The following PTPRD variants were observed in gnomAD, a reference collection of about 807,000 sequenced individuals.
The protein encoded by PTPRD is receptor-type tyrosine-protein phosphatase delta.
In PTPRD, 34 loss-of-function variants were observed where a neutral mutation model predicts 214.5. That is an observed-to-expected ratio of 0.16 (90% CI 0.12 to 0.21). The LOEUF (loss-of-function observed/expected upper bound fraction) is 0.21. Ranked by LOEUF, PTPRD falls within the 10% of genes least tolerant of loss-of-function variation. The pLI is 1.00. For synonymous variants in PTPRD, 1,128 were observed against 845.7 expected (o/e 1.33, Z -5.79); for missense variants, 2,545 against 2,398.7 (o/e 1.06, Z -1.27).
intron 10 of PTPRD, among the ~76,000 whole-genome samples, chr9:9,065,288 G>C (rs1220507043): frequency 1.3e-5 from 2 of 152,130 alleles, no homozygotes; most frequent in Non-Finnish European, 2.9e-5. Context: ...ATCAGGGTAC[G>C]CTTTGCTGAA....
In PTPRD at chr9:8,898,899, T is replaced by A. The variant is rs2098642103; in HGVS notation, c.-104+119798A>T. On this transcript the variant is annotated intron_variant, in intron 11 of 45. Coordinates refer to ENST00000381196, the MANE Select transcript of PTPRD (RefSeq NM_002839.4). ...TGTTTTATATATAAAAAGACTATTT[T>A]CATGTTTCAATCAACTCACTGACAA... Among the ~76,000 whole-genome samples the A allele has an allele frequency of 2.0e-5, 3 of 152,324 alleles. No homozygotes were observed. The South Asian group carries it at 6.2e-4, about 32-fold the overall frequency.
At chr9:8,767,673 T>C (rs2094866409) in intron 11 of PTPRD, among the ~76,000 whole-genome samples, 1 of 152,124 alleles carries the variant, frequency 6.6e-6, no homozygotes, top group African/African-American at 2.4e-5. Flanking sequence ...TACAATAGAA[T>C]TATCAGGGAG....
intron 7 of PTPRD, among the ~76,000 whole-genome samples, chr9:9,690,588 A>G (rs1595326632): frequency 6.6e-6 from 1 of 151,926 alleles, no homozygotes; most frequent in Admixed American, 6.6e-5. Context: ...GTTAGCTTCT[A>G]GTAATTTCAT....
chr9:9,338,047 T>C (rs1025109095), intron 9 of PTPRD, among the ~76,000 whole-genome samples: 4 of 152,206 alleles, frequency 2.6e-5, no homozygotes, highest in Admixed American at 2.6e-4. Flanking sequence ...CTTTTTTGTT[T>C]CATGTACAAA....
At chr9:8,750,059 G>A (rs200712159) in intron 11 of PTPRD, among the ~76,000 whole-genome samples, 2 of 151,080 alleles carry the variant, frequency 1.3e-5, no homozygotes, top group South Asian at 2.1e-4. Flanking sequence ...CCAAGCTCGC[G>A]CCACTGCACT....
intron 42 of PTPRD, among the ~76,000 whole-genome samples, chr9:8,340,088 C>A (rs1851055682): frequency 6.6e-6 from 1 of 152,080 alleles, no homozygotes; most frequent in Non-Finnish European, 1.5e-5. Context: ...AACGGGGACA[C>A]CTGCTACTCA....
At chr9:9,328,923 C>T (rs1431058550) in intron 9 of PTPRD, among the ~76,000 whole-genome samples, 1 of 151,824 alleles carries the variant, frequency 6.6e-6, no homozygotes, top group Non-Finnish European at 1.5e-5. Context: ...CAGGAGTGAG[C>T]CACCGCGCCT....
chr9:10,159,546 A>G lies in PTPRD; in HGVS notation c.-544-125756T>C, dbSNP rs1010937174. On this transcript the variant is annotated intron_variant, in intron 3 of 45. Coordinates refer to ENST00000381196, the MANE Select transcript of PTPRD (RefSeq NM_002839.4). ...TGTGACTGACCTTCACAAGACAGTA[A>G]TATATGAACTCCTTGATAAATAATT... Among the ~76,000 whole-genome samples, 5 of 152,250 alleles carry G rather than the reference A, an allele frequency of 3.3e-5. No homozygotes were observed. The East Asian group carries it at 9.7e-4, about 29-fold the overall frequency.
At chr9:9,038,366 C>T (rs1404663312) in intron 10 of PTPRD, among the ~76,000 whole-genome samples, 1 of 152,050 alleles carries the variant, frequency 6.6e-6, no homozygotes, top group African/African-American at 2.4e-5. Context: ...TTACTTTCTT[C>T]AGCAAAATTC....
chr9:8,991,076 A>C (rs1174836663), intron 11 of PTPRD, among the ~76,000 whole-genome samples: 1 of 151,658 alleles, frequency 6.6e-6, no homozygotes, highest in East Asian at 2.0e-4. Context: ...AAAATTAGCC[A>C]GGCATGTTGG....
chr9:9,931,471 C>T (rs557066851), intron 5 of PTPRD, among the ~76,000 whole-genome samples: 4 of 152,314 alleles, frequency 2.6e-5, no homozygotes, highest in Non-Finnish European at 1.5e-5. Flanking sequence ...TGACAGATGG[C>T]ACCTGGAAAA....
At chr9:9,100,651 T>C (rs2099789972) in intron 10 of PTPRD, among the ~76,000 whole-genome samples, 1 of 152,116 alleles carries the variant, frequency 6.6e-6, no homozygotes, top group Admixed American at 6.5e-5. Flanking sequence ...GTAAGCATCT[T>C]TATAGGTAAA....
At chr9:9,348,260 A>C (rs991042837) in intron 9 of PTPRD, among the ~76,000 whole-genome samples, 20 of 152,120 alleles carry the variant, frequency 1.3e-4, no homozygotes, top group Middle Eastern at 3.2e-3. Context: ...TTACTTAAAA[A>C]ATCCTTTGGT....
At chr9:9,779,860 A>T (rs1240111283) in intron 5 of PTPRD, among the ~76,000 whole-genome samples, 2 of 152,190 alleles carry the variant, frequency 1.3e-5, no homozygotes, top group Non-Finnish European at 2.9e-5. Context: ...GTTTCTCAAA[A>T]AACTTAAAAT....
chr9:9,669,513 A>C (rs2096785772), intron 7 of PTPRD, among the ~76,000 whole-genome samples: 1 of 152,194 alleles, frequency 6.6e-6, no homozygotes, highest in Non-Finnish European at 1.5e-5. Flanking sequence ...TACCACATTA[A>C]ACACATTTTG....
chr9:8,682,185 T>C (rs2097564356), intron 12 of PTPRD, among the ~76,000 whole-genome samples: 1 of 152,188 alleles, frequency 6.6e-6, no homozygotes, highest in East Asian at 1.9e-4. Context: ...TAAAAATGCA[T>C]TATGCATTAG....
intron 4 of PTPRD, among the ~76,000 whole-genome samples, chr9:9,965,666 C>G (rs2094635618): frequency 6.6e-6 from 1 of 152,186 alleles, no homozygotes; most frequent in East Asian, 1.9e-4. Flanking sequence ...TCTGGAGCCA[C>G]ACAGATGTGA....
chr9:8,953,889 A>C (rs2154308297), intron 11 of PTPRD, among the ~76,000 whole-genome samples: 1 of 152,038 alleles, frequency 6.6e-6, no homozygotes, highest in South Asian at 2.1e-4. Context: ...ACACTTATAC[A>C]CTGGTGGGAA....
intron 2 of PTPRD, among the ~76,000 whole-genome samples, chr9:10,571,777 T>A (rs976348012): frequency 3.3e-5 from 5 of 152,054 alleles, no homozygotes; most frequent in Non-Finnish European, 7.4e-5. Context: ...GGCACTAGAT[T>A]CTCATAAGGA....
Sources: gnomAD v4.1 joint callset for allele counts (sites outside exome capture counted in the v4.1 genomes callset) on GRCh38, gnomAD v4.1.1 for gene constraint, MANE v1.5 for transcripts, NCBI Gene and HGNC (gene_info 2026-07-23, HGNC 2026-07-21) for gene names.